Variants in GPC6 observed in about 807,000 individuals in gnomAD.
GPC6 encodes glypican 6.
In GPC6, 14 loss-of-function variants were observed where a neutral mutation model predicts 55.2. The observed-to-expected ratio is 0.25, with a 90% CI of 0.17 to 0.40. The LOEUF (loss-of-function observed/expected upper bound fraction) is 0.40. Ranked by LOEUF, GPC6 falls within the 10% of genes least tolerant of loss-of-function variation. GPC6 has a pLI of 1.00. For synonymous variants in GPC6, 278 were observed against 259.6 expected, an observed-to-expected ratio of 1.07 and a Z score of -0.68; for missense variants, 641 against 708.5, an observed-to-expected ratio of 0.90 and a Z score of 1.08.
At chr13:93,381,427 T>C (rs757940773) in intron 1 of GPC6, among the ~76,000 whole-genome samples, 16 of 152,188 alleles carry the variant, frequency 1.1e-4, no homozygotes, top group Non-Finnish European at 2.1e-4. Flanking sequence ...TTGTCTAATA[T>C]GCCAAATTTT....
intron 1 of GPC6, among the ~76,000 whole-genome samples, chr13:93,334,021 A>G (rs12872549): frequency 0.07 from 10,693 of 152,248 alleles, 510 homozygotes; most frequent in East Asian, 0.12. Context: ...CTTCCCTGTC[A>G]TAAGTTCACA....
At chr13:93,705,740 C>G (rs1467837342) in intron 2 of GPC6, among the ~76,000 whole-genome samples, 3 of 151,660 alleles carry the variant, frequency 2.0e-5, no homozygotes, top group Admixed American at 1.3e-4. Flanking sequence ...CCAAGTCACT[C>G]TCACCGACGT....
intron 2 of GPC6, among the ~76,000 whole-genome samples, chr13:93,598,725 T>C (rs1176961197): frequency 6.6e-6 from 1 of 152,188 alleles, no homozygotes; most frequent in Non-Finnish European, 1.5e-5. Flanking sequence ...ACTGCAAAAT[T>C]CTATGATTTT....
At chr13:94,266,373 T>C (rs1237831145) in intron 4 of GPC6, among the ~76,000 whole-genome samples, 7 of 152,160 alleles carry the variant, frequency 4.6e-5, no homozygotes, top group Non-Finnish European at 7.3e-5. Flanking sequence ...TTTCACTGTG[T>C]TAGCCAGGAT....
At chr13:93,259,437 A>AT (rs1249477158) in intron 1 of GPC6, among the ~76,000 whole-genome samples, 2 of 152,012 alleles carry the variant, frequency 1.3e-5, no homozygotes, top group African/African-American at 2.4e-5. Flanking sequence ...ATAGGCATTC[A>AT]TTTTTTTCTC....
chr13:93,286,314 C>T (rs886723502), intron 1 of GPC6, among the ~76,000 whole-genome samples: 2 of 152,164 alleles, frequency 1.3e-5, no homozygotes, highest in South Asian at 2.1e-4. Context: ...TCCACCTGTT[C>T]GGTCCCATGA....
intron 3 of GPC6, among the ~76,000 whole-genome samples, chr13:93,935,448 A>G (rs1878388204): frequency 6.6e-6 from 1 of 152,074 alleles, no homozygotes; most frequent in African/African-American, 2.4e-5. Flanking sequence ...ATTCTTTTTT[A>G]TGGCTGCATG....
At chr13:93,221,870 T>C (rs450509), upstream of GPC6, among the ~76,000 whole-genome samples, 145,398 of 152,238 alleles carry the variant, frequency 0.96, 69,781 homozygotes, top group East Asian at 1. Context: ...TCCATTCTCC[T>C]GTTTTCCTAA....
chr13:94,103,017 C>G (rs1885921716), intron 4 of GPC6, among the ~76,000 whole-genome samples: 4 of 152,168 alleles, frequency 2.6e-5, no homozygotes, highest in African/African-American at 9.7e-5. Flanking sequence ...GGTATTTCTC[C>G]TAATGCTATC....
intron 6 of GPC6, among the ~76,000 whole-genome samples, chr13:94,369,738 A>ATC (rs75493758): frequency 0.065 from 9,760 of 151,282 alleles, 507 homozygotes; most frequent in East Asian, 0.23. Flanking sequence ...ATCATCTGAG[A>ATC]TCTCTCTCTC....
chr13:93,337,593 T>G (rs1324650712), intron 1 of GPC6, among the ~76,000 whole-genome samples: 2 of 152,156 alleles, frequency 1.3e-5, no homozygotes, highest in Non-Finnish European at 2.9e-5. Context: ...TCTATAAGAA[T>G]GCAGATATTC....
At chr13:93,981,650 C>A (rs981621664) in intron 3 of GPC6, among the ~76,000 whole-genome samples, 1 of 152,104 alleles carries the variant, frequency 6.6e-6, no homozygotes, top group East Asian at 1.9e-4. Context: ...TGCTCATTCA[C>A]CAACCTAAGC....
At chr13:93,480,713 G>A (rs1879483542) in intron 1 of GPC6, among the ~76,000 whole-genome samples, 1 of 152,128 alleles carries the variant, frequency 6.6e-6, no homozygotes, top group Non-Finnish European at 1.5e-5. Flanking sequence ...CTATAGATTT[G>A]TATATTTCTT....
At chr13:93,459,452 T>C (rs1278473312) in intron 1 of GPC6, among the ~76,000 whole-genome samples, 1 of 152,178 alleles carries the variant, frequency 6.6e-6, no homozygotes, top group African/African-American at 2.4e-5. Context: ...TTATATTTTT[T>C]TAAAATCATC....
intron 4 of GPC6, among the ~76,000 whole-genome samples, chr13:94,102,569 G>T (rs1199969647): frequency 6.6e-6 from 1 of 151,204 alleles, no homozygotes; most frequent in East Asian, 1.9e-4. Context: ...AGCCAGTGAT[G>T]AGTTCCTGCA....
intron 2 of GPC6, among the ~76,000 whole-genome samples, chr13:93,606,032 T>G (rs986892753): frequency 1.3e-5 from 2 of 152,104 alleles, no homozygotes; most frequent in African/African-American, 2.4e-5. Context: ...ACATATAACT[T>G]AATACAGAGC....
chr13:94,257,594 C>A (rs1891543180), intron 4 of GPC6, among the ~76,000 whole-genome samples: 1 of 152,144 alleles, frequency 6.6e-6, no homozygotes, highest in Admixed American at 6.5e-5. Flanking sequence ...CACCAAACCA[C>A]CCTGAGAAAT....
intron 6 of GPC6, among the ~76,000 whole-genome samples, chr13:94,364,427 T>C (rs979918053): frequency 1.3e-5 from 2 of 152,164 alleles, no homozygotes; most frequent in Non-Finnish European, 2.9e-5. Flanking sequence ...GGGTAAGAAC[T>C]TGATTTGCAA....
chr13:93,634,842 G>A (rs1389444883), intron 2 of GPC6, among the ~76,000 whole-genome samples: 1 of 152,128 alleles, frequency 6.6e-6, no homozygotes, highest in Non-Finnish European at 1.5e-5. Context: ...GCAAGTGTGA[G>A]GGTGTGAGTT....
Sources: gnomAD v4.1 joint callset for allele counts (sites outside exome capture counted in the v4.1 genomes callset) on GRCh38, gnomAD v4.1.1 for gene constraint, MANE v1.5 for transcripts, NCBI Gene and HGNC (gene_info 2026-07-23, HGNC 2026-07-21) for gene names.